IYD: variants seen among roughly 807,000 people sequenced by gnomAD.
IYD encodes the protein iodotyrosine deiodinase.
IYD carries 25 observed loss-of-function variants against 28.4 expected under a neutral mutation model. That is an observed-to-expected ratio of 0.88 (90% confidence interval 0.64 to 1.23). The LOEUF (loss-of-function observed/expected upper bound fraction) is 1.23, where lower values mean the gene tolerates loss of function less well. Among genes scored for constraint, IYD ranks in the 50% most tolerant of loss-of-function variants. IYD has a pLI of 0.00. For synonymous variants in IYD, 140 were observed against 130.8 expected, an observed-to-expected ratio of 1.07 and a Z score of -0.48; for missense variants, 352 against 357.9, an observed-to-expected ratio of 0.98 and a Z score of 0.13.
chr6:150,392,941 A>G (rs1778177934), intron 3 of IYD, among the ~76,000 whole-genome samples: 2 of 152,132 alleles, frequency 1.3e-5, no homozygotes, highest in Non-Finnish European at 2.9e-5. Flanking sequence ...GTGGAGGGGA[A>G]TTCAGTGTAA....
chr6:150,371,773 G>A (rs1263248870), intron 1 of IYD, among the ~76,000 whole-genome samples: 2 of 152,224 alleles, frequency 1.3e-5, no homozygotes, highest in African/African-American at 2.4e-5. Flanking sequence ...CAGATCTCTT[G>A]TATGGGGATT....
chr6:150,369,220 C>A lies in IYD; in HGVS notation c.178+11C>A. 6.2e-7 allele frequency: 1 copy of A among 1,610,332 alleles called. No homozygotes were observed. The highest frequency in any genetic ancestry group is 8.5e-7 in the Non-Finnish European group (1 of 1,179,376). Reference sequence around the variant, plus strand: ...ACCAAGCAGAAGAAGGTAAAGACACCAGCTATGCTGCTTAGCTTCGCTGTC... The same window carrying A: ...ACCAAGCAGAAGAAGGTAAAGACACAAGCTATGCTGCTTAGCTTCGCTGTC... On this transcript the variant is annotated intron_variant, in intron 1 of 4. Coordinates refer to ENST00000344419, the MANE Select transcript of IYD (RefSeq NM_203395.3).
intron 2 of IYD, 109 bp downstream of exon 2, chr6:150,389,652 T>G: frequency 1.0e-6 from 1 of 980,218 alleles, no homozygotes; most frequent in East Asian, 2.4e-5. Context: ...CCTAGAGTGA[T>G]ATGTTTATCT....
intron 2 of IYD, among the ~76,000 whole-genome samples, chr6:150,390,960 C>G (rs1778094856): frequency 6.6e-6 from 1 of 152,046 alleles, no homozygotes; most frequent in Admixed American, 6.6e-5. Context: ...CCAACTGGGC[C>G]CAGCGTGGTG....
At chr6:150,375,609 G>GACCC (rs1777417694) in intron 1 of IYD, among the ~76,000 whole-genome samples, 1 of 149,678 alleles carries the variant, frequency 6.7e-6, no homozygotes, top group Admixed American at 6.8e-5. Context: ...CAAGGAAGTG[G>GACCC]GTCAAAGCAG....
At chr6:150,375,110 G>A (rs375115159) in intron 1 of IYD, among the ~76,000 whole-genome samples, 37 of 152,178 alleles carry the variant, frequency 2.4e-4, no homozygotes, top group African/African-American at 8.7e-4. Context: ...GCAGCCAGAT[G>A]TCACCTTAAT....
At chr6:150,381,188 T>C (rs1777634414) in intron 1 of IYD, among the ~76,000 whole-genome samples, 1 of 152,252 alleles carries the variant, frequency 6.6e-6, no homozygotes, top group South Asian at 2.1e-4. Flanking sequence ...AGTATTGATA[T>C]TTTAAACACG....
At chr6:150,394,348 C>A in intron 4 of IYD, 93 bp downstream of exon 4, 1 of 1,391,256 alleles carries the variant, frequency 7.2e-7, no homozygotes, top group Non-Finnish European at 1.0e-6. Flanking sequence ...TTTTTTTAAT[C>A]TAAAGTAGAA....
rs35430834 is a variant in IYD at position 150,394,124 on chromosome 6, G to A, written c.556G>A (p.Asp186Asn). 1.6e-5 allele frequency: 26 copies of A among 1,613,994 alleles called. No homozygotes were observed. In the Admixed American group the frequency reaches 3.8e-4, roughly 24 times the overall value. ...LRTNWIKEYLDTAPILILIFK... is the reference protein window; with the variant it reads ...LRTNWIKEYLNTAPILILIFK... The stretch of plus-strand genomic sequence containing the variant: ...AACCAACTGGATTAAAGAGTACTTG[G>A]ATACTGCCCCTATTTTGATTCTCAT... The change falls in exon 4 of 5, where the codon GAT (aspartate) becomes AAT (asparagine). Residue 186 changes from aspartate (D) to asparagine (N), a missense_variant. Asp to Asn is a conservative substitution (Grantham distance 23, BLOSUM62 1). Transcript: ENST00000344419.
rs759349874 is a variant in IYD, at chr6:150,398,243, G to C, written c.*6G>C. On this transcript the variant is annotated 3_prime_UTR_variant, in exon 5 of 5. Coordinates refer to ENST00000344419, the MANE Select transcript of IYD (RefSeq NM_203395.3). ...AGATCATGGTGACAGTGTAGGCAGG[G>C]CCCCCCAAGGGAGTGGCAGGGAGAT... The C allele has an allele frequency of 7.4e-6, 12 of 1,613,778 alleles. No homozygotes were observed. Among genetic ancestry groups the C allele is most frequent in the Admixed American group, 3.3e-5 (2 of 59,990 alleles).
intron 1 of IYD, chr6:150,370,105 C>G (rs1777166313): frequency 1.4e-6 from 1 of 695,982 alleles, no homozygotes; most frequent in South Asian, 1.5e-5. Context: ...GCTCTGTGAT[C>G]TTCAGCTGGG....
chr6:150,383,486 A>G (rs1257703515), intron 1 of IYD, among the ~76,000 whole-genome samples: 3 of 152,234 alleles, frequency 2.0e-5, no homozygotes, highest in South Asian at 2.1e-4. Flanking sequence ...ATTCCAATGC[A>G]TACAAGAAAA....
intron 1 of IYD, 33 bp from the exon 2 acceptor site, chr6:150,389,319 T>C: frequency 6.4e-7 from 1 of 1,564,336 alleles, no homozygotes; most frequent in African/African-American, 1.4e-5. Flanking sequence ...AAGGGATCAT[T>C]TAGTTTGTTA....
At position 150,404,151 on chromosome 6, in the gene IYD, A is replaced by G. The variant is rs1562328539; in HGVS notation, c.*5914A>G. 1 of 152,234 alleles carries G rather than the reference A, an allele frequency of 6.6e-6. No individual in the cohort carries two copies. Among genetic ancestry groups the G allele is most frequent in the Non-Finnish European group, 1.5e-5 (1 of 68,044 alleles). 9.4% of individuals were successfully genotyped at this position (152,234 alleles called of 1,614,324 possible). A position where few individuals can be genotyped will look rare whatever the true frequency, so the allele number is the denominator to read the frequency against. On this transcript the variant is annotated 3_prime_UTR_variant, in exon 5 of 5. Transcript: ENST00000344419. ...CTGAGTTGTCCACCATATTGTGGGC[A>G]TGAGTCCTTGACAATAGTAAATAGC... is the stretch of plus-strand genomic sequence containing the variant.
chr6:150,405,685 G>T lies in IYD; in HGVS notation c.*7448G>T, dbSNP rs1394017296. ...TCACTCATTCTCATGAGAATAACAT[G>T]GGGGAAACTGCCCCCATTATTCAAT... On this transcript the variant is annotated 3_prime_UTR_variant, in exon 5 of 5. Coordinates refer to ENST00000344419, the MANE Select transcript of IYD (RefSeq NM_203395.3). 1 of 152,016 alleles carries T rather than the reference G, an allele frequency of 6.6e-6. No individual in the cohort carries two copies. Among genetic ancestry groups the T allele is most frequent in the Admixed American group, 6.6e-5 (1 of 15,262 alleles). The allele number at this position is 152,016 out of a possible 1,614,324, so 9.4% of individuals were successfully genotyped here. A position where few individuals can be genotyped will look rare whatever the true frequency, so the allele number is the denominator to read the frequency against.
At chr6:150,395,776 T>A (rs1373944520) in intron 4 of IYD, 5 of 661,832 alleles carry the variant, frequency 7.6e-6, no homozygotes, top group Non-Finnish European at 1.4e-5. Flanking sequence ...CTGGTCAGGT[T>A]TAGAGGTGGT....
intron 4 of IYD, chr6:150,395,901 C>G: frequency 1.9e-6 from 1 of 538,770 alleles, no homozygotes; most frequent in Non-Finnish European, 3.3e-6. Flanking sequence ...TGGGGTACCC[C>G]TTGGCCACTG....
intron 1 of IYD, among the ~76,000 whole-genome samples, chr6:150,385,944 A>T (rs1319544757): frequency 1.3e-5 from 2 of 151,994 alleles, no homozygotes; most frequent in Non-Finnish European, 2.9e-5. Flanking sequence ...TTGTTGAATG[A>T]CAGTAACATC....
intron 4 of IYD, chr6:150,395,256 A>G (rs937143336): frequency 3.1e-6 from 2 of 650,126 alleles, no homozygotes; most frequent in African/African-American, 3.7e-5. Context: ...AATGTAGAAA[A>G]CAAGATTATA....
Sources: allele counts gnomAD v4.1 joint callset (sites outside exome capture counted in the v4.1 genomes callset), GRCh38; gene constraint gnomAD v4.1.1; transcripts MANE v1.5; gene names NCBI Gene and HGNC (gene_info 2026-07-23, HGNC 2026-07-21).